Variants in VWA8 observed in about 807,000 individuals in gnomAD.
The protein encoded by VWA8 is von Willebrand factor A domain containing 8, also known as von Willebrand factor A domain-containing protein 8.
A neutral mutation model predicts 241.5 loss-of-function variants in VWA8; 221 were observed. The ratio of observed to expected loss-of-function variants is 0.91; its 90% CI spans 0.82 to 1.02. VWA8 has a LOEUF of 1.02. Ranked by LOEUF, VWA8 falls within the 50% of genes least tolerant of loss-of-function variation. The probability of loss-of-function intolerance (pLI) is 0.00; values close to 1 mark genes in which losing one functional copy is unlikely to be tolerated. For synonymous variants in VWA8, 852 were observed against 827.1 expected, an observed-to-expected ratio of 1.03 and a Z score of -0.52; for missense variants, 2,322 against 2,328.7, an observed-to-expected ratio of 1.00 and a Z score of 0.06.
intron 40 of VWA8, among the ~76,000 whole-genome samples, chr13:41,599,041 CAT>C (rs894405817): frequency 4.6e-5 from 7 of 152,172 alleles, no homozygotes; most frequent in Non-Finnish European, 8.8e-5. Flanking sequence ...GTTCATTCAG[CAT>C]ATGTTTACTA....
At chr13:41,876,406 T>C (rs1368459404) in intron 9 of VWA8, among the ~76,000 whole-genome samples, 1 of 152,028 alleles carries the variant, frequency 6.6e-6, no homozygotes, top group Non-Finnish European at 1.5e-5. Flanking sequence ...CAATACATTG[T>C]CCTTTGCTTT....
intron 9 of VWA8, among the ~76,000 whole-genome samples, chr13:41,878,514 G>T (rs1249345751): frequency 6.6e-6 from 1 of 151,386 alleles, no homozygotes; most frequent in Non-Finnish European, 1.5e-5. Context: ...CTTACAAAAA[G>T]AAAGTACTTC....
At chr13:41,869,631 CAAAAAAAAAAAAAAAA>C (rs532296102) in intron 9 of VWA8, among the ~76,000 whole-genome samples, 3 of 40,270 alleles carry the variant, frequency 7.4e-5, no homozygotes, top group African/African-American at 2.1e-4. Context: ...AACTTTGTCT[CAAAAAAAAAAAAAAAA>C]AAAAAAAAAA....
At chr13:41,782,989 A>G (rs1385124875) in intron 19 of VWA8, among the ~76,000 whole-genome samples, 1 of 151,280 alleles carries the variant, frequency 6.6e-6, no homozygotes, top group Non-Finnish European at 1.5e-5. Context: ...AAAAGGAAAG[A>G]AAAGAAAAAT....
intron 2 of VWA8, among the ~76,000 whole-genome samples, chr13:41,939,515 G>A (rs1877502255): frequency 6.6e-6 from 1 of 152,156 alleles, no homozygotes; most frequent in South Asian, 2.1e-4. Context: ...CAACTCTCAT[G>A]TCTATGATGT....
In VWA8 at chr13:41,811,250, C is replaced by T; in HGVS notation, c.2038G>A (p.Ala680Thr). The change falls in exon 17 of 45, where the codon GCT becomes ACT. Residue 680 changes from alanine to threonine, a missense_variant. By Grantham distance (58) the Ala-to-Thr change is moderately conservative. Transcript: ENST00000379310. ...SQYPNENLHS[A>T]VTKACLSRFL... ...CTGGAAAGGCAGGCTTTAGTAACAG[C>T]ACTGTGAAGATTTTCATTAGGATAC... The T allele has an allele frequency of 6.2e-7, 1 of 1,609,626 alleles. No individual in the cohort carries two copies.
At chr13:41,853,248 T>C (rs1442363644) in intron 12 of VWA8, among the ~76,000 whole-genome samples, 2 of 152,150 alleles carry the variant, frequency 1.3e-5, no homozygotes, top group Non-Finnish European at 2.9e-5. Context: ...CTTTTTACCA[T>C]TGAGCATAAT....
intron 42 of VWA8, among the ~76,000 whole-genome samples, chr13:41,577,814 C>A (rs1025040541): frequency 6.6e-6 from 1 of 152,162 alleles, no homozygotes; most frequent in South Asian, 2.1e-4. Context: ...TTTTCCCTCC[C>A]TTTTAACTGA....
In VWA8 at chr13:41,787,421, C is replaced by G. The variant is rs766555238; in HGVS notation, c.2170+16G>C. 3 of 1,563,634 alleles carry G rather than the reference C, an allele frequency of 1.9e-6. No homozygotes were observed. The highest frequency in any genetic ancestry group is 2.6e-6 in the Non-Finnish European group (3 of 1,137,906). On this transcript the variant is annotated intron_variant, in intron 18 of 44. Transcript: ENST00000379310. ...TATTATTTCACTTAAAAAAAAGAGC[C>G]AAATCAAATACTTACATTTGTAATC...
chr13:41,709,430 C>G (rs1008349348), intron 26 of VWA8, among the ~76,000 whole-genome samples: 9 of 152,170 alleles, frequency 5.9e-5, no homozygotes, highest in African/African-American at 2.2e-4. Context: ...CAGTTTATTA[C>G]CTTTAGAAAA....
At chr13:41,618,664 A>C (rs1425483292) in intron 37 of VWA8, among the ~76,000 whole-genome samples, 1 of 152,188 alleles carries the variant, frequency 6.6e-6, no homozygotes, top group Non-Finnish European at 1.5e-5. Flanking sequence ...AGGTGTAAGA[A>C]AGGGATCCAG....
At chr13:41,882,476 G>A (rs953175182) in intron 9 of VWA8, among the ~76,000 whole-genome samples, 1 of 151,964 alleles carries the variant, frequency 6.6e-6, no homozygotes, top group Non-Finnish European at 1.5e-5. Context: ...AGGTTGTAGC[G>A]AGCCGAGATC....
Position 41,605,164 on chromosome 13 carries a change from T to C in VWA8, c.4986+4A>G, listed in dbSNP as rs369231201. 2 of 1,612,520 alleles carry C rather than the reference T, an allele frequency of 1.2e-6. No homozygotes were observed. Among genetic ancestry groups the C allele is most frequent in the Non-Finnish European group, 1.7e-6 (2 of 1,178,890 alleles). ...ATTTTCTTGGTCCATAAGTAGAAGA[T>C]TACCTGTAAATTATCCAGGATGATT... On this transcript the variant is annotated splice_donor_region_variant and intron_variant, in intron 40 of 44. Transcript: ENST00000379310.
intron 42 of VWA8, among the ~76,000 whole-genome samples, chr13:41,578,576 T>A (rs2139637998): frequency 6.6e-6 from 1 of 152,330 alleles, no homozygotes; most frequent in East Asian, 1.9e-4. Flanking sequence ...CATTTCCATT[T>A]GCTAACTCCT....
At chr13:41,920,638 C>A (rs1185798860) in intron 2 of VWA8, among the ~76,000 whole-genome samples, 1 of 152,124 alleles carries the variant, frequency 6.6e-6, no homozygotes, top group Non-Finnish European at 1.5e-5. Context: ...ATACAAACTA[C>A]CATGAGAGAA....
intron 4 of VWA8, among the ~76,000 whole-genome samples, chr13:41,902,682 T>C (rs1875513371): frequency 6.6e-6 from 1 of 152,204 alleles, no homozygotes; most frequent in Non-Finnish European, 1.5e-5. Context: ...GAAAACAATA[T>C]AAATTCCCTA....
intron 22 of VWA8, among the ~76,000 whole-genome samples, chr13:41,730,799 T>A (rs1432202933): frequency 6.6e-6 from 1 of 152,018 alleles, no homozygotes; most frequent in African/African-American, 2.4e-5. Context: ...TAGGATGGTA[T>A]ATTTTAAGAA....
intron 37 of VWA8, among the ~76,000 whole-genome samples, chr13:41,622,586 A>C (rs2044664364): frequency 6.6e-6 from 1 of 152,234 alleles, no homozygotes; most frequent in Admixed American, 6.5e-5. Flanking sequence ...CACAGCTGAC[A>C]CAATCTGCTT....
At chr13:41,582,261 A>C (rs1267042549) in intron 42 of VWA8, among the ~76,000 whole-genome samples, 1 of 152,142 alleles carries the variant, frequency 6.6e-6, no homozygotes, top group Admixed American at 6.5e-5. Context: ...GGTCATGATA[A>C]TGTGGAATAA....
Sources: gnomAD v4.1 joint callset for allele counts (sites outside exome capture counted in the v4.1 genomes callset) on GRCh38, gnomAD v4.1.1 for gene constraint, MANE v1.5 for transcripts, NCBI Gene and HGNC (gene_info 2026-07-23, HGNC 2026-07-21) for gene names.